The following CREB5 variants were observed in gnomAD, a reference collection of about 807,000 sequenced individuals.
CREB5 encodes the protein cAMP responsive element binding protein 5.
In CREB5, 19 loss-of-function variants were observed where a neutral mutation model predicts 57.1. The ratio of observed to expected loss-of-function variants is 0.33; its 90% confidence interval spans 0.23 to 0.49. The LOEUF (loss-of-function observed/expected upper bound fraction) is 0.49. CREB5 is among the 20% of genes least tolerant of loss of function. CREB5 has a pLI of 0.99. For missense variants in CREB5, 579 were observed against 671.6 expected (o/e 0.86, Z 1.52); for synonymous variants, 238 against 238.3 (o/e 1.00, Z 0.01).
rs189063550 is a variant in CREB5 at position 28,324,090 on chromosome 7, C to T, written c.-25+24649C>T. ...AGAGAAGCTTTGGTCACTCGCCCACCGCTCACCTCACGCTGTGCGGTCCCC... is the reference window on the plus strand; with the variant it reads ...AGAGAAGCTTTGGTCACTCGCCCACTGCTCACCTCACGCTGTGCGGTCCCC... On this transcript the variant is annotated intron_variant, in intron 1 of 9. Coordinates refer to the CREB5 transcript ENST00000396299. 1.3e-3 allele frequency among the ~76,000 whole-genome samples: 199 copies of T among 152,256 alleles called. 4 individuals are homozygous for T. The South Asian group carries it at 0.018, about 14-fold the overall frequency.
intron 1 of CREB5, among the ~76,000 whole-genome samples, chr7:28,350,291 C>G (rs1032015912): frequency 1.3e-5 from 2 of 152,172 alleles, no homozygotes; most frequent in Non-Finnish European, 2.9e-5. Flanking sequence ...AGAAGACTGG[C>G]CGCCTGTGGA....
intron 5 of CREB5, among the ~76,000 whole-genome samples, chr7:28,602,162 T>G (rs753394028): frequency 2.0e-5 from 3 of 152,222 alleles, no homozygotes; most frequent in Non-Finnish European, 2.9e-5. Context: ...GGTCTCACTC[T>G]GTCGCCCAGG....
At chr7:28,481,722 C>A (rs909255159) in intron 1 of CREB5, among the ~76,000 whole-genome samples, 1 of 152,150 alleles carries the variant, frequency 6.6e-6, no homozygotes, top group Non-Finnish European at 1.5e-5. Context: ...TCACCAGTAA[C>A]GCTGGTAAGA....
chr7:28,818,912 C>T (rs548428735), intron 10 of CREB5: 5 of 608,622 alleles, frequency 8.2e-6, no homozygotes, highest in South Asian at 3.8e-5. Flanking sequence ...TGGCTTTGCT[C>T]GTAGATATAA....
At chr7:28,660,513 G>C (rs1399755660) in intron 5 of CREB5, among the ~76,000 whole-genome samples, 1 of 151,234 alleles carries the variant, frequency 6.6e-6, no homozygotes, top group African/African-American at 2.4e-5. Flanking sequence ...GGGATGTGGA[G>C]AAAAATAATC....
At chr7:28,320,221 C>T (rs189188819) in intron 1 of CREB5, among the ~76,000 whole-genome samples, 29 of 152,270 alleles carry the variant, frequency 1.9e-4, no homozygotes, top group Admixed American at 9.1e-4. Context: ...TGAGCCACCA[C>T]GCCTGGCCGC....
At chr7:28,639,160 C>A (rs1296543041) in intron 5 of CREB5, among the ~76,000 whole-genome samples, 3 of 152,112 alleles carry the variant, frequency 2.0e-5, no homozygotes, top group Admixed American at 2.0e-4. Flanking sequence ...TCAGCCTCTC[C>A]TAATATTTAA....
chr7:28,365,958 G>A (rs956806879), intron 1 of CREB5, among the ~76,000 whole-genome samples: 1 of 152,108 alleles, frequency 6.6e-6, no homozygotes, highest in African/African-American at 2.4e-5. Context: ...TTTCCAGTAT[G>A]TTACAAATAT....
At chr7:28,360,482 T>C (rs966097392) in intron 1 of CREB5, among the ~76,000 whole-genome samples, 1 of 152,184 alleles carries the variant, frequency 6.6e-6, no homozygotes, top group Non-Finnish European at 1.5e-5. Flanking sequence ...AAATACTACA[T>C]GTTTTAGATT....
At chr7:28,752,645 A>G (rs1805051303) in intron 7 of CREB5, among the ~76,000 whole-genome samples, 1 of 152,246 alleles carries the variant, frequency 6.6e-6, no homozygotes, top group African/African-American at 2.4e-5. Context: ...TCAATTTTAA[A>G]TAGCAATCTC....
At chr7:28,645,053 A>T (rs1400009925) in intron 5 of CREB5, among the ~76,000 whole-genome samples, 1 of 152,128 alleles carries the variant, frequency 6.6e-6, no homozygotes. Context: ...GAATGTCCAG[A>T]TCAAGTTCTG....
chr7:28,375,694 T>A (rs954851895), intron 1 of CREB5, among the ~76,000 whole-genome samples: 8 of 151,928 alleles, frequency 5.3e-5, no homozygotes, highest in Admixed American at 3.9e-4. Context: ...ATACAGCTGT[T>A]CTGATCTGGA....
At chr7:28,449,905 A>C (rs975740772) in intron 1 of CREB5, among the ~76,000 whole-genome samples, 1 of 152,036 alleles carries the variant, frequency 6.6e-6, no homozygotes, top group Non-Finnish European at 1.5e-5. Flanking sequence ...CCCATCCTTT[A>C]CTTCACAGTG....
At chr7:28,355,001 T>G (rs1248781672) in intron 1 of CREB5, among the ~76,000 whole-genome samples, 1 of 152,226 alleles carries the variant, frequency 6.6e-6, no homozygotes, top group Non-Finnish European at 1.5e-5. Flanking sequence ...CATGGCTTGT[T>G]AAGCAAGCAG....
intron 5 of CREB5, among the ~76,000 whole-genome samples, chr7:28,667,535 A>G (rs1233930084): frequency 6.6e-6 from 1 of 152,064 alleles, no homozygotes; most frequent in Non-Finnish European, 1.5e-5. Context: ...AATCTGCCCA[A>G]ATATTTTCTT....
intron 7 of CREB5, among the ~76,000 whole-genome samples, chr7:28,747,370 C>T (rs182779508): frequency 6.6e-6 from 1 of 152,266 alleles, no homozygotes; most frequent in Admixed American, 6.5e-5. Context: ...AAGGGTGAAG[C>T]CAAAATGAGT....
At chr7:28,478,351 C>T (rs1482457762) in intron 1 of CREB5, among the ~76,000 whole-genome samples, 3 of 150,810 alleles carry the variant, frequency 2.0e-5, no homozygotes. Flanking sequence ...AATATATATA[C>T]ATATTTATAT....
chr7:28,551,784 C>T (rs1406936689), intron 4 of CREB5, among the ~76,000 whole-genome samples: 2 of 151,952 alleles, frequency 1.3e-5, no homozygotes, highest in African/African-American at 4.8e-5. Flanking sequence ...TGCGTAGGAC[C>T]TTTGGGTCTG....
At chr7:28,301,280 CCACT>C (rs1785094678) in intron 1 of CREB5, among the ~76,000 whole-genome samples, 1 of 152,156 alleles carries the variant, frequency 6.6e-6, no homozygotes, top group Non-Finnish European at 1.5e-5. Context: ...GGGGAAGAAT[CCACT>C]CACTCTAGAC....
Sources: allele counts gnomAD v4.1 joint callset (sites outside exome capture counted in the v4.1 genomes callset), GRCh38; gene constraint gnomAD v4.1.1; transcripts MANE v1.5; gene names NCBI Gene and HGNC (gene_info 2026-07-23, HGNC 2026-07-21).